Variants in ALS2 observed in about 807,000 individuals in gnomAD.
ALS2 encodes alsin.
A neutral mutation model predicts 203.4 loss-of-function variants in ALS2; 117 were observed. The observed-to-expected ratio is 0.58, with a 90% CI of 0.50 to 0.67. ALS2 has a LOEUF of 0.67. ALS2 is among the 30% of genes least tolerant of loss of function. The pLI, the probability that ALS2 is intolerant of heterozygous loss-of-function variation, is 0.00. For synonymous variants in ALS2, 718 were observed against 725.9 expected (o/e 0.99, Z 0.17); for missense variants, 1,715 against 1,989.4 (o/e 0.86, Z 2.62).
rs7567758 is a variant in ALS2, at chr2:201,703,841, A to G, written c.4935+281T>C. On this transcript the variant is annotated intron_variant, in intron 33 of 33. Transcript: ENST00000264276. ...GAATCCTTTCTGTTTCTTTTTTAGA[A>G]TTACAATTATTTATATAAATGTAAA... Among the ~76,000 whole-genome samples the G allele has an allele frequency of 0.89, 136,123 of 152,232 alleles. 61,070 individuals carry two copies. Among genetic ancestry groups the G allele is most frequent in the East Asian group, 0.98 (5,106 of 5,186 alleles).
At position 201,738,578 on chromosome 2, in the gene ALS2, T is replaced by G. The variant is rs966862476; in HGVS notation, c.2417+92A>C. Reference sequence around the variant, plus strand: ...TGACTTGTTTGGTAAAATGATGAAGTCAAAGCTTTCCCTGAGCACTCGAAA... The same window carrying G: ...TGACTTGTTTGGTAAAATGATGAAGGCAAAGCTTTCCCTGAGCACTCGAAA... On this transcript the variant is annotated intron_variant, in intron 12 of 33. Coordinates refer to ENST00000264276, the MANE Select transcript of ALS2 (RefSeq NM_020919.4). 3 of 1,263,970 alleles carry G rather than the reference T, an allele frequency of 2.4e-6. No homozygotes were observed. The African/African-American group carries it at 4.4e-5, about 19-fold the overall frequency. The allele number at this position is 1,263,970 out of a possible 1,614,324, so 78.3% of individuals were successfully genotyped here. A position where few individuals can be genotyped will look rare whatever the true frequency, so the allele number is the denominator to read the frequency against.
intron 13 of ALS2, 53 bp from the exon 14 acceptor site, chr2:201,729,236 T>C: frequency 1.3e-6 from 2 of 1,580,490 alleles, no homozygotes; most frequent in East Asian, 2.3e-5. Flanking sequence ...AAAACCATTA[T>C]GCAGAATCTG....
chr2:201,733,561 T>C (rs1032972891), intron 12 of ALS2, 123 bp from the exon 13 acceptor site: 5 of 831,810 alleles, frequency 6.0e-6, no homozygotes, highest in African/African-American at 3.4e-5. Flanking sequence ...GCTGTGAAAG[T>C]AGAAATACAA....
chr2:201,757,706 G>A lies in ALS2; in HGVS notation c.1167C>T (p.Thr389=). Residue 389 remains threonine (T), a synonymous_variant, in exon 5 of 34, where the codon ACC becomes ACT. Transcript: ENST00000264276. ...PNLHSPPTTS[T]SALNSLVVSC... ...AGACCACCAGGCTGTTTAGGGCTGAGGTGCTTGTGGTAGGCGGGCTGTGGA... is the reference window on the plus strand; with the variant it reads ...AGACCACCAGGCTGTTTAGGGCTGAAGTGCTTGTGGTAGGCGGGCTGTGGA... 1 of 1,613,588 alleles carries A rather than the reference G, an allele frequency of 6.2e-7. No individual in the cohort carries two copies. The highest frequency in any genetic ancestry group is 8.5e-7 in the Non-Finnish European group (1 of 1,180,010).
intron 3 of ALS2, 25 bp downstream of exon 3, chr2:201,767,204 T>C (rs765505108): frequency 4.3e-6 from 7 of 1,613,912 alleles, no homozygotes; most frequent in Non-Finnish European, 5.1e-6. Context: ...GCAGTTCGTA[T>C]TTGTTACGCC....
At position 201,759,814 on chromosome 2, in the gene ALS2, T is replaced by G. The variant is rs185607084; in HGVS notation, c.1113+1067A>C. ...GTTTCAAAAACCTAAAAAGAAACACTGCAGGACAGATCTTTTATGAGTATG... is the reference window on the plus strand; with the variant it reads ...GTTTCAAAAACCTAAAAAGAAACACGGCAGGACAGATCTTTTATGAGTATG... On this transcript the variant is annotated intron_variant, in intron 4 of 33. Transcript: ENST00000264276. 6.1e-5 allele frequency: 60 copies of G among 985,198 alleles called. 1 individual carries two copies. The Middle Eastern group carries it at 2.6e-3, about 43-fold the overall frequency. The allele number at this position is 985,198 out of a possible 1,614,324, so 61.0% of individuals were successfully genotyped here. A position where few individuals can be genotyped will look rare whatever the true frequency, so the allele number is the denominator to read the frequency against.
intron 8 of ALS2, among the ~76,000 whole-genome samples, chr2:201,747,507 G>A (rs1347138946): frequency 6.7e-6 from 1 of 148,258 alleles, no homozygotes; most frequent in Non-Finnish European, 1.5e-5. Flanking sequence ...CTGGTGTGCA[G>A]TGGCGCAATC....
At chr2:201,763,273 G>T in intron 3 of ALS2, 1 of 181,772 alleles carries the variant, frequency 5.5e-6, no homozygotes, top group Non-Finnish European at 1.2e-5. Context: ...TTGTGCTGGT[G>T]CGCCTCATCC....
chr2:201,716,290 T>A (rs1690385560), intron 24 of ALS2, among the ~76,000 whole-genome samples: 1 of 152,096 alleles, frequency 6.6e-6, no homozygotes, highest in Non-Finnish European at 1.5e-5. Flanking sequence ...ACGCCTGTAA[T>A]CCTAGCACTT....
chr2:201,760,120 T>A, intron 4 of ALS2: 1 of 704,874 alleles, frequency 1.4e-6, no homozygotes, highest in Non-Finnish European at 1.7e-6. Context: ...CTCAGGAGTT[T>A]GAGATGAGCC....
rs1256204524 is a variant in ALS2, at chr2:201,700,373, C to T, written c.*1478G>A. On this transcript the variant is annotated 3_prime_UTR_variant, in exon 34 of 34. Coordinates refer to ENST00000264276, the MANE Select transcript of ALS2 (RefSeq NM_020919.4). ...AATTTGCTCTTTGCTAGAAAGGGTG[C>T]TATAACTATTGGTTTACGTTTATTT... Among the ~76,000 whole-genome samples, 1 of 152,148 alleles carries T rather than the reference C, an allele frequency of 6.6e-6. No individual in the cohort carries two copies. The highest frequency in any genetic ancestry group is 1.5e-5 in the Non-Finnish European group (1 of 68,020).
chr2:201,723,528 A>G, intron 21 of ALS2, 87 bp from the exon 22 acceptor site: 1 of 1,160,554 alleles, frequency 8.6e-7, no homozygotes. Flanking sequence ...GATCCCAGGC[A>G]TCAACCCTAG....
chr2:201,756,651 G>C (rs1693415412), intron 5 of ALS2, among the ~76,000 whole-genome samples: 1 of 152,238 alleles, frequency 6.6e-6, no homozygotes, highest in African/African-American at 2.4e-5. Flanking sequence ...TAGCTGAGTA[G>C]TTGTCACAGA....
chr2:201,761,793 A>G lies in ALS2; in HGVS notation c.201T>C (p.Thr67=). 2 of 1,613,990 alleles carry G rather than the reference A, an allele frequency of 1.2e-6. No individual in the cohort carries two copies. The highest frequency in any genetic ancestry group is 1.7e-6 in the Non-Finnish European group (2 of 1,179,992). The part of the protein sequence containing the change: ...TEDGEVYSFG[T]LPWRSGPVEI... ...CCACTGGTCCACTTCTCCAGGGAAGAGTCCCAAAGCTGTAGACCTCACCAT... is the reference window on the plus strand; with the variant it reads ...CCACTGGTCCACTTCTCCAGGGAAGGGTCCCAAAGCTGTAGACCTCACCAT... Residue 67 remains threonine, a synonymous_variant, in exon 4 of 34, where the codon ACT becomes ACC. Coordinates refer to ENST00000264276, the MANE Select transcript of ALS2 (RefSeq NM_020919.4).
rs1693788424 is a variant in ALS2 at position 201,761,833 on chromosome 2, A to G, written c.176-15T>C. On this transcript the variant is annotated splice_polypyrimidine_tract_variant and intron_variant, in intron 3 of 33. Transcript: ENST00000264276. ...GACCTCACCATCTGAAGGTTAAAAA[A>G]AAGAAAAAAGAAAAAAAAAAGGGTT... 6.2e-7 allele frequency: 1 copy of G among 1,612,386 alleles called. No homozygotes were observed. The highest frequency in any genetic ancestry group is 1.3e-5 in the African/African-American group (1 of 74,936).
intron 1 of ALS2, among the ~76,000 whole-genome samples, chr2:201,772,686 T>A (rs923608943): frequency 1.3e-5 from 2 of 152,180 alleles, no homozygotes; most frequent in Non-Finnish European, 2.9e-5. Context: ...ACCAGGAATC[T>A]ATATTCAAAA....
chr2:201,727,071 AC>A, intron 17 of ALS2, 140 bp downstream of exon 17: 1 of 938,048 alleles, frequency 1.1e-6, no homozygotes, highest in South Asian at 1.5e-5. Flanking sequence ...TGAAGAACCT[AC>A]AGTTTTGGGT....
rs1048585427 is a variant in ALS2, at chr2:201,706,861, A to C, written c.4565T>G (p.Phe1522Cys). 6.2e-7 allele frequency: 1 copy of C among 1,614,064 alleles called. No homozygotes were observed. The highest frequency in any genetic ancestry group is 8.5e-7 in the Non-Finnish European group (1 of 1,179,966). ...CTACACTTACCTCTGCACCCCAAGAAAGCCCAGGAGAGCAATATCTGGCTG... is the reference window on the plus strand; with the variant it reads ...CTACACTTACCTCTGCACCCCAAGACAGCCCAGGAGAGCAATATCTGGCTG... Reference protein sequence around the residue: ...NKQPDIALLGFLGVQRKFWPA... With the variant: ...NKQPDIALLGCLGVQRKFWPA... The change falls in exon 29 of 34, where the codon TTT (phenylalanine) becomes TGT (cysteine). Residue 1522 changes from phenylalanine (F) to cysteine (C), a missense_variant. Physicochemically the swap from Phe to Cys is radical, Grantham distance 205. This residue lies in a region of ALS2 where 1,227 missense variants were observed against 1,413.5 expected (regional missense o/e 0.87). Coordinates refer to ENST00000264276, the MANE Select transcript of ALS2 (RefSeq NM_020919.4).
chr2:201,728,943 A>C (rs1691366708), intron 14 of ALS2, 109 bp downstream of exon 14: 2 of 1,548,938 alleles, frequency 1.3e-6, no homozygotes, highest in African/African-American at 1.4e-5. Flanking sequence ...GAAAGGGGTC[A>C]TTAAAAGGTT....
Sources: gnomAD v4.1 joint callset for allele counts (sites outside exome capture counted in the v4.1 genomes callset) on GRCh38, gnomAD v4.1.1 for gene constraint, gnomAD v4.1.1 regional missense constraint, MANE v1.5 for transcripts, NCBI Gene and HGNC (gene_info 2026-07-23, HGNC 2026-07-21) for gene names.